Variants in CCDC38 observed in about 807,000 individuals in gnomAD.
CCDC38 encodes the protein coiled-coil domain-containing protein 38.
Under a neutral mutation model 72.8 loss-of-function variants are expected in CCDC38, and 69 were observed. The ratio of observed to expected loss-of-function variants is 0.95; its 90% CI spans 0.78 to 1.16. The LOEUF (loss-of-function observed/expected upper bound fraction) is 1.16, where lower values mean the gene tolerates loss of function less well. Among genes scored for constraint, CCDC38 ranks in the 50% most tolerant of loss-of-function variants. CCDC38 has a pLI of 0.00. For missense variants in CCDC38, 626 were observed against 638.9 expected, an observed-to-expected ratio of 0.98 and a Z score of 0.22; for synonymous variants, 201 against 213.2, an observed-to-expected ratio of 0.94 and a Z score of 0.50.
chr12:95,912,998 G>A (rs897974500), intron 4 of CCDC38, among the ~76,000 whole-genome samples: 3 of 152,150 alleles, frequency 2.0e-5, no homozygotes, highest in Non-Finnish European at 2.9e-5. Flanking sequence ...CCAGGAGGTC[G>A]AGGCTGTAGT....
At chr12:95,918,576 T>C (rs1309146582) in intron 3 of CCDC38, among the ~76,000 whole-genome samples, 1 of 152,156 alleles carries the variant, frequency 6.6e-6, no homozygotes, top group Admixed American at 6.5e-5. Context: ...ATTTCAGAAA[T>C]GTAAAAAATG....
intron 9 of CCDC38, among the ~76,000 whole-genome samples, chr12:95,889,551 A>G (rs1198385367): frequency 6.6e-6 from 1 of 152,218 alleles, no homozygotes; most frequent in Non-Finnish European, 1.5e-5. Flanking sequence ...TTACTTTTCA[A>G]TCAGCTGGCC....
chr12:95,901,482 T>C (rs1479612864), intron 5 of CCDC38, among the ~76,000 whole-genome samples: 1 of 152,046 alleles, frequency 6.6e-6, no homozygotes, highest in African/African-American at 2.4e-5. Context: ...GTTGTTAATA[T>C]GGAGGTGGAA....
At chr12:95,894,625 C>T (rs571882434) in intron 8 of CCDC38, among the ~76,000 whole-genome samples, 2 of 152,228 alleles carry the variant, frequency 1.3e-5, no homozygotes, top group South Asian at 4.1e-4. Flanking sequence ...CTCCTTGCAC[C>T]ATGTGGTCTC....
intron 8 of CCDC38, among the ~76,000 whole-genome samples, chr12:95,893,949 CTT>C (rs1044163229): frequency 7.9e-5 from 12 of 151,626 alleles, no homozygotes; most frequent in Non-Finnish European, 1.3e-4. Flanking sequence ...AAACATAAAA[CTT>C]AGGTTAATTT....
chr12:95,881,656 A>G (rs1004873402), intron 10 of CCDC38, 102 bp from the exon 11 acceptor site: 15 of 823,636 alleles, frequency 1.8e-5, no homozygotes, highest in Non-Finnish European at 2.9e-5. Context: ...CAACTGTAAC[A>G]TAATTATTTT....
intron 4 of CCDC38, among the ~76,000 whole-genome samples, chr12:95,910,669 C>G (rs1441281357): frequency 6.6e-6 from 1 of 152,092 alleles, no homozygotes; most frequent in Non-Finnish European, 1.5e-5. Flanking sequence ...CAAGACCAGA[C>G]TGAGCAACAC....
intron 4 of CCDC38, among the ~76,000 whole-genome samples, chr12:95,906,656 A>T (rs1480403633): frequency 6.6e-6 from 1 of 152,130 alleles, no homozygotes; most frequent in Non-Finnish European, 1.5e-5. Flanking sequence ...ATATTCCAGA[A>T]ACCTCATTAG....
intron 13 of CCDC38, among the ~76,000 whole-genome samples, chr12:95,873,599 G>A (rs1016483369): frequency 6.6e-6 from 1 of 152,144 alleles, no homozygotes; most frequent in African/African-American, 2.4e-5. Flanking sequence ...TTGTGAACCC[G>A]GTGTTTGCAA....
intron 13 of CCDC38, among the ~76,000 whole-genome samples, chr12:95,874,682 G>A (rs2079617249): frequency 6.6e-6 from 1 of 152,224 alleles, no homozygotes; most frequent in Non-Finnish European, 1.5e-5. Context: ...CGGAGGAGGA[G>A]CTGCCAAGGG....
chr12:95,935,896 T>C (rs2080388339), intron 2 of CCDC38, among the ~76,000 whole-genome samples: 1 of 152,130 alleles, frequency 6.6e-6, no homozygotes, highest in South Asian at 2.1e-4. Flanking sequence ...CTGGCCAACA[T>C]GGTGAAACCT....
At position 95,869,575 on chromosome 12, in the gene CCDC38, T is replaced by A. The variant is rs778911969; in HGVS notation, c.1485-2A>T. 3 of 1,609,650 alleles carry A rather than the reference T, an allele frequency of 1.9e-6. No homozygotes were observed. Among genetic ancestry groups the A allele is most frequent in the Non-Finnish European group, 2.5e-6 (3 of 1,176,924 alleles). ...TCTTTCATTTTCTCATCACGAAACC[T>A]GTCACAAGAAGGGAGAAACATTCTT... is the stretch of plus-strand genomic sequence containing the variant. On this transcript the variant is annotated splice_acceptor_variant, in intron 14 of 15. Coordinates refer to ENST00000344280, the MANE Select transcript of CCDC38 (RefSeq NM_182496.3). LOFTEE classifies it high-confidence loss of function.
At chr12:95,867,238 T>C in intron 15 of CCDC38, 49 bp from the exon 16 acceptor site, 2 of 979,048 alleles carry the variant, frequency 2.0e-6, no homozygotes, top group Non-Finnish European at 3.2e-6. Flanking sequence ...AGCATAGCCA[T>C]TTTCTATTGA....
chr12:95,874,410 T>G (rs886502863), intron 13 of CCDC38, among the ~76,000 whole-genome samples: 1 of 152,166 alleles, frequency 6.6e-6, no homozygotes, highest in Non-Finnish European at 1.5e-5. Context: ...CCTCCCCCTT[T>G]TTTTCTTAAA....
chr12:95,915,964 C>T (rs2080139600), intron 4 of CCDC38, among the ~76,000 whole-genome samples: 1 of 152,206 alleles, frequency 6.6e-6, no homozygotes, highest in Non-Finnish European at 1.5e-5. Flanking sequence ...CAAAGCCATA[C>T]TTCTGAGTTA....
rs1209586617 is a variant in CCDC38 at position 95,878,241 on chromosome 12, A to G, written c.1248T>C (p.Phe416=). ...AAELQLKSKL[F]SFGEFNSDAQ... ...CATCTGAATTAAATTCTCCAAAGCT[A>G]AAGAGCTTGGACTTTAATTGCAATT... The change falls in exon 13 of 16, where the codon TTT becomes TTC. Residue 416 remains phenylalanine, a synonymous_variant. Coordinates refer to ENST00000344280, the MANE Select transcript of CCDC38 (RefSeq NM_182496.3). The G allele has an allele frequency of 3.7e-6, 6 of 1,613,496 alleles. No individual in the cohort carries two copies. Among genetic ancestry groups the G allele is most frequent in the East Asian group, 2.2e-5 (1 of 44,818 alleles).
Position 95,872,702 on chromosome 12 carries a change from G to T in CCDC38, c.1279-242C>A, listed in dbSNP as rs573575940. 3.0e-4 allele frequency among the ~76,000 whole-genome samples: 45 copies of T among 152,330 alleles called. No homozygotes were observed. The South Asian group carries it at 9.1e-3, about 31-fold the overall frequency. On this transcript the variant is annotated intron_variant, in intron 13 of 15. Transcript: ENST00000344280. ...CGATTCTTGTGCCTCAGCCACCCAA[G>T]TAGCTGGGACTACAGGCATGCGCCA...
intron 10 of CCDC38, among the ~76,000 whole-genome samples, chr12:95,882,999 A>G (rs1033726880): frequency 6.6e-6 from 1 of 152,220 alleles, no homozygotes; most frequent in Non-Finnish European, 1.5e-5. Flanking sequence ...TTGCCATGCT[A>G]GAAATCTGGG....
chr12:95,907,458 C>CCCA (rs568202833), intron 4 of CCDC38, among the ~76,000 whole-genome samples: 8 of 112,462 alleles, frequency 7.1e-5, no homozygotes, highest in Admixed American at 1.5e-4. Flanking sequence ...GGGGGCTGAC[C>CCCA]CCCCCACCTC....
Sources: allele counts gnomAD v4.1 joint callset (sites outside exome capture counted in the v4.1 genomes callset), GRCh38; gene constraint gnomAD v4.1.1; transcripts MANE v1.5; gene names NCBI Gene and HGNC (gene_info 2026-07-23, HGNC 2026-07-21).